Variants in CBFA2T2 observed in about 807,000 individuals in gnomAD.
The protein encoded by CBFA2T2 is protein CBFA2T2.
A neutral mutation model predicts 62.2 loss-of-function variants in CBFA2T2; 11 were observed. The observed-to-expected ratio is 0.18, with a 90% CI of 0.11 to 0.29. The LOEUF is 0.29. Ranked by LOEUF, CBFA2T2 falls within the 10% of genes least tolerant of loss-of-function variation. CBFA2T2 has a pLI of 1.00. For missense variants in CBFA2T2, 592 were observed against 774.1 expected, an observed-to-expected ratio of 0.76 and a Z score of 2.79; for synonymous variants, 295 against 287.5, an observed-to-expected ratio of 1.03 and a Z score of -0.27.
At chr20:33,567,882 C>G (rs975286386) in intron 1 of CBFA2T2, among the ~76,000 whole-genome samples, 7 of 152,100 alleles carry the variant, frequency 4.6e-5, no homozygotes, top group African/African-American at 1.7e-4. Flanking sequence ...CCACGCCCAG[C>G]CTGTAAATTA....
intron 1 of CBFA2T2, among the ~76,000 whole-genome samples, chr20:33,539,050 G>T (rs1424492421): frequency 6.6e-6 from 1 of 152,086 alleles, no homozygotes; most frequent in Non-Finnish European, 1.5e-5. Flanking sequence ...GTTTACCATT[G>T]CAACTTATTC....
intron 1 of CBFA2T2, among the ~76,000 whole-genome samples, chr20:33,518,227 G>T (rs559219316): frequency 2.0e-5 from 3 of 152,126 alleles, no homozygotes; most frequent in Non-Finnish European, 4.4e-5. Context: ...GATTACAGGC[G>T]TGAGTCACTG....
chr20:33,640,906 T>C (rs889761873), intron 10 of CBFA2T2, among the ~76,000 whole-genome samples: 3 of 152,164 alleles, frequency 2.0e-5, no homozygotes, highest in African/African-American at 7.2e-5. Flanking sequence ...TTGTATATTT[T>C]CTTTTTGAGT....
At position 33,640,549 on chromosome 20, in the gene CBFA2T2, T is replaced by C. The variant is rs1461973865; in HGVS notation, c.1488+18T>C. The C allele has an allele frequency of 6.2e-7, 1 of 1,611,984 alleles. No homozygotes were observed. Among genetic ancestry groups the C allele is most frequent in the East Asian group, 2.2e-5 (1 of 44,828 alleles). ...CCACGGAGGTCAGAGCTCTGCGCCC[T>C]GGGGGCTGGGGTGAGCAGCTGGAGT... On this transcript the variant is annotated intron_variant, in intron 10 of 10. Coordinates refer to ENST00000342704, the MANE Select transcript of CBFA2T2 (RefSeq NM_001032999.3).
At chr20:33,631,405 C>T (rs1252227929) in intron 8 of CBFA2T2, among the ~76,000 whole-genome samples, 1 of 152,210 alleles carries the variant, frequency 6.6e-6, no homozygotes, top group East Asian at 1.9e-4. Context: ...GTGCGACTTT[C>T]GGACAGGGAG....
At chr20:33,643,285 G>A (rs893294893) in intron 10 of CBFA2T2, among the ~76,000 whole-genome samples, 4 of 152,152 alleles carry the variant, frequency 2.6e-5, no homozygotes, top group Admixed American at 2.6e-4. Context: ...TGGTCTGATA[G>A]TTATTAGGGA....
chr20:33,617,527 CA>C (rs1442797213), intron 3 of CBFA2T2, among the ~76,000 whole-genome samples: 1 of 152,244 alleles, frequency 6.6e-6, no homozygotes, highest in Non-Finnish European at 1.5e-5. Context: ...CTGTGTCACA[CA>C]ATCCATCCTT....
chr20:33,505,425 A>G (rs2011385010), intron 1 of CBFA2T2, among the ~76,000 whole-genome samples: 1 of 152,194 alleles, frequency 6.6e-6, no homozygotes, highest in Non-Finnish European at 1.5e-5. Context: ...AGTACTCTCC[A>G]TTTGTAGTGG....
rs369002598 is a variant in CBFA2T2, at chr20:33,535,818, C to T, written c.34+45517C>T. On this transcript the variant is annotated intron_variant, in intron 1 of 10. Coordinates refer to ENST00000342704, the MANE Select transcript of CBFA2T2 (RefSeq NM_001032999.3). ...TTTCCTAGGCAGAGGACCCTGCGGCCTTCCGCAGTGTTTGTGTCCCTGGGT... is the reference window on the plus strand; with the variant it reads ...TTTCCTAGGCAGAGGACCCTGCGGCTTTCCGCAGTGTTTGTGTCCCTGGGT... Among the ~76,000 whole-genome samples the T allele has an allele frequency of 3.0e-4, 46 of 152,062 alleles. No individual in the cohort carries two copies. The East Asian group carries it at 8.7e-3, about 29-fold the overall frequency.
chr20:33,604,746 A>G (rs573314477), intron 1 of CBFA2T2, among the ~76,000 whole-genome samples: 1 of 152,298 alleles, frequency 6.6e-6, no homozygotes, highest in East Asian at 1.9e-4. Flanking sequence ...GTCTGAAGAA[A>G]AGCTCCCTCT....
chr20:33,640,736 T>C (rs1322494070), intron 10 of CBFA2T2, among the ~76,000 whole-genome samples: 1 of 151,700 alleles, frequency 6.6e-6, no homozygotes, highest in African/African-American at 2.4e-5. Context: ...ATTGTATTTT[T>C]ACATACATAC....
rs865839317 is a variant in CBFA2T2 at position 33,643,806 on chromosome 20, T to C, written c.1489-541T>C. Among the ~76,000 whole-genome samples, 106 of 66,864 alleles carry C rather than the reference T, an allele frequency of 1.6e-3. 4 individuals are homozygous for C. The highest frequency in any genetic ancestry group is 2.6e-3 in the Non-Finnish European group (94 of 36,320). The allele number at this position is 66,864 out of a possible 152,430, so 43.9% of individuals were successfully genotyped here. On this transcript the variant is annotated intron_variant, in intron 10 of 10. Coordinates refer to ENST00000342704, the MANE Select transcript of CBFA2T2 (RefSeq NM_001032999.3). ...ATATATATATATATATATATATATA[T>C]ATATATATATAGTATATAATGTGTG...
intron 1 of CBFA2T2, among the ~76,000 whole-genome samples, chr20:33,523,133 C>G (rs958989120): frequency 6.6e-6 from 1 of 151,958 alleles, no homozygotes; most frequent in Non-Finnish European, 1.5e-5. Context: ...AGCAGCATTG[C>G]CACCTGGGAA....
At chr20:33,612,587 C>G (rs2015569364) in intron 3 of CBFA2T2, among the ~76,000 whole-genome samples, 2 of 152,216 alleles carry the variant, frequency 1.3e-5, no homozygotes, top group South Asian at 2.1e-4. Flanking sequence ...AAGAGACTTG[C>G]AAAATGATAA....
In CBFA2T2 at chr20:33,585,426, A is replaced by T. The variant is rs142189286; in HGVS notation, c.35-21530A>T. Among the ~76,000 whole-genome samples the T allele has an allele frequency of 3.6e-3, 543 of 152,316 alleles. 5 individuals carry two copies. Among genetic ancestry groups the T allele is most frequent in the African/African-American group, 0.013 (521 of 41,564 alleles). On this transcript the variant is annotated intron_variant, in intron 1 of 10. Coordinates refer to ENST00000342704, the MANE Select transcript of CBFA2T2 (RefSeq NM_001032999.3). ...TACATATATATAGGAAGGTCCCCCCATACAGCGTTGTATTATATGCATTTC... is the reference window on the plus strand; with the variant it reads ...TACATATATATAGGAAGGTCCCCCCTTACAGCGTTGTATTATATGCATTTC...
chr20:33,543,529 C>T (rs988652588), intron 1 of CBFA2T2, among the ~76,000 whole-genome samples: 5 of 152,058 alleles, frequency 3.3e-5, no homozygotes, highest in Non-Finnish European at 7.3e-5. Flanking sequence ...GAGATGAACA[C>T]GTACTAGAGA....
At chr20:33,537,296 C>T (rs2012286385) in intron 1 of CBFA2T2, among the ~76,000 whole-genome samples, 1 of 152,268 alleles carries the variant, frequency 6.6e-6, no homozygotes, top group African/African-American at 2.4e-5. Context: ...ACCAGCCCGG[C>T]CAACACAGCG....
At position 33,633,214 on chromosome 20, in the gene CBFA2T2, CA is replaced by C. The variant is rs200580695; in HGVS notation, c.1228+3307del. 5.9e-3 allele frequency among the ~76,000 whole-genome samples: 901 copies of C among 151,724 alleles called. 6 individuals carry two copies. The highest frequency in any genetic ancestry group is 0.02 in the African/African-American group (844 of 41,390). ...GTCAAAACACTGTCTCTACTAAAAA[CA>C]AAAAAAGTTAGCCAGGCATGGTAGC... On this transcript the variant is annotated intron_variant, in intron 8 of 10. Coordinates refer to ENST00000342704, the MANE Select transcript of CBFA2T2 (RefSeq NM_001032999.3).
At chr20:33,510,050 T>G (rs1164850928) in intron 1 of CBFA2T2, among the ~76,000 whole-genome samples, 1 of 151,946 alleles carries the variant, frequency 6.6e-6, no homozygotes, top group African/African-American at 2.4e-5. Flanking sequence ...AATTCCCACC[T>G]GTGAGTGAGA....
Sources: gnomAD v4.1 joint callset for allele counts (sites outside exome capture counted in the v4.1 genomes callset) on GRCh38, gnomAD v4.1.1 for gene constraint, MANE v1.5 for transcripts, NCBI Gene and HGNC (gene_info 2026-07-23, HGNC 2026-07-21) for gene names.